The following SAMD5 variants were observed in gnomAD, a reference collection of about 807,000 sequenced individuals.
SAMD5 encodes sterile alpha motif domain containing 5, also known as sterile alpha motif domain-containing protein 5.
In SAMD5, 13 loss-of-function variants were observed where a neutral mutation model predicts 11.3. The ratio of observed to expected loss-of-function variants is 1.15; its 90% CI spans 0.75 to 1.83. SAMD5 has a LOEUF of 1.83. Ranked by LOEUF, SAMD5 falls within the 40% of genes most tolerant of loss-of-function variation. SAMD5 has a pLI of 0.00. For synonymous variants in SAMD5, 129 were observed against 111.3 expected, an observed-to-expected ratio of 1.16 and a Z score of -1.00; for missense variants, 255 against 239.1, an observed-to-expected ratio of 1.07 and a Z score of -0.44.
chr6:147,800,094 T>C, the SAMD5 span, among the ~76,000 whole-genome samples: 2 of 152,362 alleles, frequency 1.3e-5, no homozygotes, highest in South Asian at 4.1e-4. Context: ...CCGTCCAGCT[T>C]TGTTCCATTG....
chr6:147,587,701 T>G (rs1292613473), intron 1 of SAMD5, among the ~76,000 whole-genome samples: 2 of 152,196 alleles, frequency 1.3e-5, no homozygotes. Flanking sequence ...GTGAATTTAC[T>G]ATAGAGTTAC....
At chr6:147,615,983 G>A (rs1378901891) in intron 1 of SAMD5, among the ~76,000 whole-genome samples, 2 of 152,104 alleles carry the variant, frequency 1.3e-5, no homozygotes, top group African/African-American at 2.4e-5. Context: ...GGTCACATGT[G>A]TGGTTACATT....
the SAMD5 span, among the ~76,000 whole-genome samples, chr6:147,870,761 C>T: frequency 7.0e-6 from 1 of 142,862 alleles, no homozygotes; most frequent in African/African-American, 2.6e-5. Context: ...GGCAGGAAGT[C>T]GGGGAAGGAG....
chr6:147,729,484 A>G (rs1482428084), intron 1 of SAMD5, among the ~76,000 whole-genome samples: 4 of 152,250 alleles, frequency 2.6e-5, no homozygotes, highest in East Asian at 1.9e-4. Context: ...TGGAGATTCA[A>G]TGATGAACAA....
chr6:147,804,563 A>G, the SAMD5 span, among the ~76,000 whole-genome samples: 2 of 152,232 alleles, frequency 1.3e-5, no homozygotes, highest in Non-Finnish European at 2.9e-5. Flanking sequence ...CAGATAATCT[A>G]GCATCAAAGT....
the SAMD5 span, among the ~76,000 whole-genome samples, chr6:147,918,090 T>G: frequency 6.6e-6 from 1 of 152,178 alleles, no homozygotes. Context: ...TTCCAATTCT[T>G]TGAAGAAAGT....
intron 1 of SAMD5, among the ~76,000 whole-genome samples, chr6:147,524,440 C>G (rs1788305229): frequency 6.7e-6 from 1 of 149,436 alleles, no homozygotes; most frequent in African/African-American, 2.5e-5. Flanking sequence ...TTTTTGAAAG[C>G]AGGCAAATTG....
rs555104907 is a variant in SAMD5, at chr6:147,710,851, C to G, written c.163-26466C>G. 4.6e-5 allele frequency among the ~76,000 whole-genome samples: 7 copies of G among 152,152 alleles called. No individual in the cohort carries two copies. In the South Asian group the frequency reaches 1.5e-3, roughly 32 times the overall value. On this transcript the variant is annotated intron_variant, in intron 1 of 1. Coordinates refer to the SAMD5 transcript ENST00000566741. ...ATAAGGGGGACTACTATACTTGTTA[C>G]TTGTCTCCTGCACCGGATAGTAAGT...
At chr6:147,623,069 T>C (rs1302993092) in intron 1 of SAMD5, among the ~76,000 whole-genome samples, 2 of 152,156 alleles carry the variant, frequency 1.3e-5, no homozygotes, top group Admixed American at 6.5e-5. Flanking sequence ...AAGGTGAGAT[T>C]TGGGTGGGGA....
the SAMD5 span, among the ~76,000 whole-genome samples, chr6:147,881,930 G>C: frequency 6.6e-6 from 1 of 152,232 alleles, no homozygotes; most frequent in South Asian, 2.1e-4. Flanking sequence ...GGCTCTGGCG[G>C]GCCCCATCCA....
At chr6:147,891,504 T>A in the SAMD5 span, among the ~76,000 whole-genome samples, 1 of 152,124 alleles carries the variant, frequency 6.6e-6, no homozygotes, top group African/African-American at 2.4e-5. Flanking sequence ...TGGTAAGTAC[T>A]CATTATTCAT....
intron 1 of SAMD5, among the ~76,000 whole-genome samples, chr6:147,577,905 C>A (rs1789242008): frequency 6.6e-6 from 1 of 152,036 alleles, no homozygotes; most frequent in African/African-American, 2.4e-5. Context: ...ATAGCATAAC[C>A]TAAACCAATA....
the SAMD5 span, among the ~76,000 whole-genome samples, chr6:147,801,308 G>A: frequency 2.0e-5 from 3 of 151,594 alleles, no homozygotes; most frequent in Non-Finnish European, 2.9e-5. Context: ...TTTTTTTTTA[G>A]TTTGTTCCCA....
At chr6:147,521,469 A>C (rs116236396) in intron 1 of SAMD5, among the ~76,000 whole-genome samples, 1 of 152,074 alleles carries the variant, frequency 6.6e-6, no homozygotes, top group Non-Finnish European at 1.5e-5. Context: ...CTGCCTTTTC[A>C]GTAATTTTTT....
chr6:147,811,619 A>G, the SAMD5 span, among the ~76,000 whole-genome samples: 1 of 152,146 alleles, frequency 6.6e-6, no homozygotes, highest in African/African-American at 2.4e-5. Context: ...GATGGTGCTG[A>G]TGGCCACGAG....
chr6:147,850,749 A>G, the SAMD5 span, among the ~76,000 whole-genome samples: 15 of 152,032 alleles, frequency 9.9e-5, no homozygotes, highest in Admixed American at 9.8e-4. Flanking sequence ...ACTGCCCAAG[A>G]TAGGAATCCA....
chr6:147,519,194 A>AT (rs1167904517), intron 1 of SAMD5, among the ~76,000 whole-genome samples: 4 of 152,162 alleles, frequency 2.6e-5, no homozygotes, highest in Admixed American at 6.5e-5. Flanking sequence ...AAATTTAAAG[A>AT]TTTTTTCCCC....
the SAMD5 span, among the ~76,000 whole-genome samples, chr6:147,777,276 G>A: frequency 6.6e-6 from 1 of 152,046 alleles, no homozygotes; most frequent in African/African-American, 2.4e-5. Context: ...AATGGAAACT[G>A]AATGAGTCTT....
chr6:147,873,292 G>T, the SAMD5 span, among the ~76,000 whole-genome samples: 3 of 151,648 alleles, frequency 2.0e-5, no homozygotes, highest in South Asian at 2.1e-4. Context: ...CAGGAGAATC[G>T]CTTGAACCAA....
Sources: allele counts gnomAD v4.1 joint callset (sites outside exome capture counted in the v4.1 genomes callset), GRCh38; gene constraint gnomAD v4.1.1; transcripts MANE v1.5; gene names NCBI Gene and HGNC (gene_info 2026-07-23, HGNC 2026-07-21).